Variants in ATP10B observed in about 807,000 individuals in gnomAD.
ATP10B encodes the protein phospholipid-transporting ATPase VB.
A neutral mutation model predicts 141.2 loss-of-function variants in ATP10B; 122 were observed. The ratio of observed to expected loss-of-function variants is 0.86; its 90% CI spans 0.75 to 1.00. The LOEUF (loss-of-function observed/expected upper bound fraction) is 1.00, where lower values mean the gene tolerates loss of function less well. ATP10B is among the 50% of genes least tolerant of loss of function. The pLI, the probability that ATP10B is intolerant of heterozygous loss-of-function variation, is 0.00. For missense variants in ATP10B, 1,876 were observed against 1,825.3 expected, an observed-to-expected ratio of 1.03 and a Z score of -0.51; for synonymous variants, 685 against 692.0, an observed-to-expected ratio of 0.99 and a Z score of 0.16.
chr5:160,865,279 A>C, the ATP10B span, among the ~76,000 whole-genome samples: 2 of 152,236 alleles, frequency 1.3e-5, no homozygotes, highest in African/African-American at 4.8e-5. Context: ...AAATACTTAC[A>C]ACCAGCTGGT....
chr5:160,828,423 A>C (rs1405250702), intron 1 of ATP10B, among the ~76,000 whole-genome samples: 1 of 152,202 alleles, frequency 6.6e-6, no homozygotes, highest in Non-Finnish European at 1.5e-5. Flanking sequence ...TCTCAAAAGA[A>C]GACATTGATG....
intron 1 of ATP10B, among the ~76,000 whole-genome samples, chr5:160,843,740 A>G (rs1009469056): frequency 6.6e-6 from 1 of 152,120 alleles, no homozygotes. Context: ...AGAATACAAA[A>G]TTGTTTTGAA....
At chr5:160,703,794 AG>A (rs1303761322) in intron 3 of ATP10B, among the ~76,000 whole-genome samples, 2 of 152,134 alleles carry the variant, frequency 1.3e-5, no homozygotes, top group Non-Finnish European at 2.9e-5. Context: ...TTAACTGATA[AG>A]GGGGGTGGTG....
At chr5:160,602,142 C>T (rs980873358) in intron 21 of ATP10B, among the ~76,000 whole-genome samples, 6 of 152,146 alleles carry the variant, frequency 3.9e-5, no homozygotes, top group Non-Finnish European at 7.3e-5. Flanking sequence ...ACTTTATAAA[C>T]GATTACGATA....
In ATP10B at chr5:160,569,686, G is replaced by A; in HGVS notation, c.3751-3C>T. On this transcript the variant is annotated splice_polypyrimidine_tract_variant and splice_region_variant and intron_variant, in intron 24 of 25. Coordinates refer to ENST00000327245, the MANE Select transcript of ATP10B (RefSeq NM_025153.3). ...AGCACGACTCCGTGGAAAATGGTCT[G>A]TGGAGGGAAATAAGCAAACACTGTT... is the stretch of plus-strand genomic sequence containing the variant. 1 of 1,552,334 alleles carries A rather than the reference G, an allele frequency of 6.4e-7. No homozygotes were observed. The highest frequency in any genetic ancestry group is 1.2e-5 in the South Asian group (1 of 80,766).
chr5:160,709,576 G>A (rs1446838912), intron 3 of ATP10B, among the ~76,000 whole-genome samples: 2 of 150,390 alleles, frequency 1.3e-5, no homozygotes, highest in East Asian at 3.9e-4. Flanking sequence ...GAGATGCAAT[G>A]GATACTTTCA....
At chr5:160,739,306 A>G (rs1767313789) in intron 2 of ATP10B, among the ~76,000 whole-genome samples, 1 of 152,190 alleles carries the variant, frequency 6.6e-6, no homozygotes, top group Admixed American at 6.5e-5. Flanking sequence ...ATTTTTATTC[A>G]ACATTAGATT....
At chr5:160,756,678 T>G (rs6894600) in intron 2 of ATP10B, among the ~76,000 whole-genome samples, 86,383 of 151,672 alleles carry the variant, frequency 0.57, 24,890 homozygotes, top group Admixed American at 0.64. Context: ...ATGTGTCTGT[T>G]CAAATCTCTT....
At chr5:160,763,157 C>G (rs911015199) in intron 2 of ATP10B, among the ~76,000 whole-genome samples, 3 of 152,058 alleles carry the variant, frequency 2.0e-5, no homozygotes, top group Non-Finnish European at 4.4e-5. Context: ...GACGGGACAT[C>G]AAGACAAAGT....
intron 24 of ATP10B, among the ~76,000 whole-genome samples, chr5:160,583,449 T>C (rs531261964): frequency 6.6e-6 from 1 of 152,332 alleles, no homozygotes; most frequent in East Asian, 1.9e-4. Flanking sequence ...GGAAGCTTCA[T>C]CCCAGAGGGG....
At chr5:160,916,898 C>T in the ATP10B span, among the ~76,000 whole-genome samples, 6 of 152,148 alleles carry the variant, frequency 3.9e-5, no homozygotes, top group Non-Finnish European at 8.8e-5. Context: ...TCTACAGTGT[C>T]GTGTGGTTTA....
intron 22 of ATP10B, among the ~76,000 whole-genome samples, chr5:160,596,650 T>C (rs1391858897): frequency 6.6e-6 from 1 of 151,150 alleles, no homozygotes; most frequent in Non-Finnish European, 1.5e-5. Context: ...AACCCCATTG[T>C]CTCAGCCCAA....
At chr5:160,905,364 A>C in the ATP10B span, among the ~76,000 whole-genome samples, 1 of 152,204 alleles carries the variant, frequency 6.6e-6, no homozygotes, top group Non-Finnish European at 1.5e-5. Context: ...AGCCTCTGCC[A>C]TTTAATAGTT....
chr5:160,574,202 G>A (rs988876979), intron 24 of ATP10B, among the ~76,000 whole-genome samples: 1 of 152,172 alleles, frequency 6.6e-6, no homozygotes, highest in Non-Finnish European at 1.5e-5. Context: ...GGCCATGGTG[G>A]GTGGATCACT....
At chr5:160,872,495 A>G in the ATP10B span, among the ~76,000 whole-genome samples, 7 of 152,272 alleles carry the variant, frequency 4.6e-5, no homozygotes, top group East Asian at 1.3e-3. Context: ...ATCTTCTAGA[A>G]CTTTTATAGT....
chr5:160,571,846 G>C (rs1270190339), intron 24 of ATP10B, among the ~76,000 whole-genome samples: 1 of 152,160 alleles, frequency 6.6e-6, no homozygotes, highest in Non-Finnish European at 1.5e-5. Context: ...AGGGCAAATT[G>C]GTGCTGATTT....
At chr5:160,648,989 C>T (rs1239777230) in intron 8 of ATP10B, among the ~76,000 whole-genome samples, 182 bp downstream of exon 8, 2 of 137,192 alleles carry the variant, frequency 1.5e-5, no homozygotes, top group African/African-American at 2.9e-5. Flanking sequence ...AACTATCACT[C>T]AGCAAAAAAA....
At chr5:160,581,305 C>G (rs1057213925) in intron 24 of ATP10B, among the ~76,000 whole-genome samples, 1 of 152,224 alleles carries the variant, frequency 6.6e-6, no homozygotes, top group Non-Finnish European at 1.5e-5. Flanking sequence ...AAACGTCCCT[C>G]TAAACACTGC....
the ATP10B span, among the ~76,000 whole-genome samples, chr5:160,898,561 T>C: frequency 6.6e-6 from 1 of 152,204 alleles, no homozygotes; most frequent in Non-Finnish European, 1.5e-5. Context: ...TGTAAATTAG[T>C]TTGACCATTG....
Sources: allele counts gnomAD v4.1 joint callset (sites outside exome capture counted in the v4.1 genomes callset), GRCh38; gene constraint gnomAD v4.1.1; transcripts MANE v1.5; gene names NCBI Gene and HGNC (gene_info 2026-07-23, HGNC 2026-07-21).